The following MAML3 variants were observed in gnomAD, a reference collection of about 807,000 sequenced individuals.
MAML3 encodes mastermind like transcriptional coactivator 3, also known as mastermind-like protein 3.
MAML3 carries 27 observed loss-of-function variants against 101.9 expected under a neutral mutation model. The observed-to-expected ratio is 0.27, with a 90% confidence interval of 0.20 to 0.37. The LOEUF (loss-of-function observed/expected upper bound fraction) is 0.37. Among genes scored for constraint, MAML3 ranks in the 10% least tolerant of loss-of-function variants. MAML3 has a pLI of 1.00. For missense variants in MAML3, 1,316 were observed against 1,444.9 expected, an observed-to-expected ratio of 0.91 and a Z score of 1.45; for synonymous variants, 501 against 555.9, an observed-to-expected ratio of 0.90 and a Z score of 1.39.
intron 1 of MAML3, among the ~76,000 whole-genome samples, chr4:140,049,156 GA>G (rs911279243): frequency 9.3e-5 from 14 of 150,414 alleles, no homozygotes; most frequent in South Asian, 2.1e-4. Context: ...TCTTCACAAA[GA>G]AAAAAAAATG....
chr4:140,061,812 A>G (rs898141036), intron 1 of MAML3, among the ~76,000 whole-genome samples: 2 of 152,206 alleles, frequency 1.3e-5, no homozygotes, highest in African/African-American at 2.4e-5. Flanking sequence ...GAGAATGACA[A>G]TATGGTGCCT....
intron 2 of MAML3, among the ~76,000 whole-genome samples, chr4:139,741,982 G>A (rs1729180494): frequency 6.6e-6 from 1 of 152,026 alleles, no homozygotes; most frequent in Non-Finnish European, 1.5e-5. Flanking sequence ...TGAAAGACTT[G>A]GAGACACACG....
intron 2 of MAML3, among the ~76,000 whole-genome samples, chr4:139,885,932 C>CAAAAAAAAAAAAAAAAAAAA (rs1182443191): frequency 5.4e-4 from 11 of 20,304 alleles, no homozygotes; most frequent in East Asian, 0.011. Flanking sequence ...GACTCCGTCT[C>CAAAAAAAAAAAAAAAAAAAA]AAAAAAAAAA....
intron 2 of MAML3, among the ~76,000 whole-genome samples, chr4:139,844,424 C>G (rs10027514): frequency 0.39 from 58,635 of 151,942 alleles, 11,865 homozygotes; most frequent in East Asian, 0.69. Context: ...TGGCATTGTG[C>G]TGTCTTTTTC....
rs1263984454 is a variant in MAML3, at chr4:139,717,418, C to T, written c.*1905G>A. The T allele has an allele frequency of 6.6e-6, 1 of 152,210 alleles. No homozygotes were observed. Among genetic ancestry groups the T allele is most frequent in the Non-Finnish European group, 1.5e-5 (1 of 68,030 alleles). The allele number at this position is 152,210 out of a possible 1,614,324, so 9.4% of individuals were successfully genotyped here. On this transcript the variant is annotated 3_prime_UTR_variant, in exon 5 of 5. Transcript: ENST00000509479. ...TCATCTCTTTGATCCACTCAGTTTCCCCAGTGGCATCACTCCCCATTTGGG... is the reference window on the plus strand; with the variant it reads ...TCATCTCTTTGATCCACTCAGTTTCTCCAGTGGCATCACTCCCCATTTGGG...
chr4:139,910,395 C>G (rs1316170051), intron 1 of MAML3, among the ~76,000 whole-genome samples: 1 of 152,218 alleles, frequency 6.6e-6, no homozygotes, highest in Non-Finnish European at 1.5e-5. Flanking sequence ...ATACTTCAGT[C>G]ACTAGCTGCA....
chr4:140,049,510 G>A (rs996242480), intron 1 of MAML3, among the ~76,000 whole-genome samples: 8 of 152,188 alleles, frequency 5.3e-5, no homozygotes, highest in Non-Finnish European at 7.3e-5. Flanking sequence ...ACAGAGGAGG[G>A]GGGAAGAGAG....
intron 2 of MAML3, among the ~76,000 whole-genome samples, chr4:139,742,151 T>C (rs1424806443): frequency 1.2e-3 from 1 of 866 alleles, no homozygotes; most frequent in African/African-American, 2.1e-3. Flanking sequence ...TTTCTTTTCT[T>C]TTTTTTTTTT....
rs1354048315 is a variant in MAML3, at chr4:139,735,561, G to A, written c.2080-4894C>T. 6.6e-6 allele frequency among the ~76,000 whole-genome samples: 1 copy of A among 152,140 alleles called. No homozygotes were observed. The highest frequency in any genetic ancestry group is 1.5e-5 in the Non-Finnish European group (1 of 68,016). ...CCCAGCTGCACAAAGCCGGCCCGGG[G>A]AGGGGGCGATAAGGAGCGAGCCTCG... On this transcript the variant is annotated intron_variant, in intron 2 of 4. Transcript: ENST00000509479. The surrounding 1 kb of genome is among the most constrained non-coding windows in gnomAD (Gnocchi z 5.8).
At chr4:139,822,270 C>CCACCACCAT (rs1560804617) in intron 2 of MAML3, among the ~76,000 whole-genome samples, 1 of 119,258 alleles carries the variant, frequency 8.4e-6, no homozygotes, top group African/African-American at 2.9e-5. Flanking sequence ...ACCACCACCA[C>CCACCACCAT]CATCATCATC....
rs572014849 is a variant in MAML3 at position 140,095,299 on chromosome 4, T to C, written c.468+57561A>G. 2.0e-4 allele frequency among the ~76,000 whole-genome samples: 30 copies of C among 152,322 alleles called. No homozygotes were observed. The East Asian group carries it at 5.2e-3, about 26-fold the overall frequency. Reference sequence around the variant, plus strand: ...ATCAGTAGGCCCACCACTGTCCATGTTGGAGATCACACTGAGCCTCGTCTG... The same window carrying C: ...ATCAGTAGGCCCACCACTGTCCATGCTGGAGATCACACTGAGCCTCGTCTG... On this transcript the variant is annotated intron_variant, in intron 1 of 4. Coordinates refer to ENST00000509479, the MANE Select transcript of MAML3 (RefSeq NM_018717.5).
chr4:140,145,925 G>A (rs1406983663), intron 1 of MAML3, among the ~76,000 whole-genome samples: 2 of 128,070 alleles, frequency 1.6e-5, no homozygotes, highest in Non-Finnish European at 3.2e-5. Flanking sequence ...CCAGGCTGGA[G>A]TGCAATGGCA....
At chr4:140,031,410 T>C (rs1383980575) in intron 1 of MAML3, among the ~76,000 whole-genome samples, 4 of 152,312 alleles carry the variant, frequency 2.6e-5, no homozygotes, top group African/African-American at 9.6e-5. Flanking sequence ...TATAGACTGC[T>C]GCAGAGAACA....
At position 139,889,362 on chromosome 4, in the gene MAML3, C is replaced by T. The variant is rs761610544; in HGVS notation, c.2074G>A (p.Gly692Ser). The change falls in exon 2 of 5, where the codon GGT becomes AGT. Residue 692 changes from glycine (G) to serine (S), a missense_variant. Coordinates refer to ENST00000509479, the MANE Select transcript of MAML3 (RefSeq NM_018717.5). ...TGTGTCACTTTCACACTTACCTGAC[C>T]GTGGGATGGAAGTGCAGCGTAAGCC... ...PMAYAALPSHGQEQHPVGLPR... is the reference protein window; with the variant it reads ...PMAYAALPSHSQEQHPVGLPR... The T allele has an allele frequency of 9.2e-5, 148 of 1,613,880 alleles. 1 individual carries two copies. Among genetic ancestry groups the T allele is most frequent in the Admixed American group, 3.8e-4 (23 of 60,002 alleles).
chr4:139,994,365 T>C (rs1477999045), intron 1 of MAML3, among the ~76,000 whole-genome samples: 1 of 152,248 alleles, frequency 6.6e-6, no homozygotes, highest in Non-Finnish European at 1.5e-5. Flanking sequence ...GATTGTTTGT[T>C]CTTTATAATA....
At chr4:140,039,786 A>G (rs1321371029) in intron 1 of MAML3, among the ~76,000 whole-genome samples, 1 of 152,230 alleles carries the variant, frequency 6.6e-6, no homozygotes, top group Non-Finnish European at 1.5e-5. Context: ...GTGCTAGTGC[A>G]CTGCTGTACA....
chr4:140,067,791 C>T (rs1226662636), intron 1 of MAML3, among the ~76,000 whole-genome samples: 2 of 143,784 alleles, frequency 1.4e-5, no homozygotes, highest in Admixed American at 1.5e-4. Context: ...TGGAGTGCAA[C>T]AGCACGATCT....
chr4:139,994,340 T>C (rs1734760473), intron 1 of MAML3, among the ~76,000 whole-genome samples: 1 of 152,260 alleles, frequency 6.6e-6, no homozygotes, highest in Non-Finnish European at 1.5e-5. Flanking sequence ...AATTGGGTTC[T>C]TAATTTAACT....
In MAML3 at chr4:139,825,730, TA is replaced by T. The variant is rs536766590; in HGVS notation, c.2079+63626del. On this transcript the variant is annotated intron_variant, in intron 2 of 4. Transcript: ENST00000509479. ...AACATCTCTCATCACGTCACTGACCTAAATATAGACAATGACTTCAAGGAAG... is the reference window on the plus strand; with the variant it reads ...AACATCTCTCATCACGTCACTGACCTAATATAGACAATGACTTCAAGGAAG... Among the ~76,000 whole-genome samples, 7 of 149,988 alleles carry T rather than the reference TA, an allele frequency of 4.7e-5. No homozygotes were observed. The East Asian group carries it at 1.4e-3, about 29-fold the overall frequency.
Sources: allele counts gnomAD v4.1 joint callset (sites outside exome capture counted in the v4.1 genomes callset), GRCh38; gene constraint gnomAD v4.1.1; non-coding constraint Gnocchi (gnomAD v3.1); transcripts MANE v1.5; gene names NCBI Gene and HGNC (gene_info 2026-07-23, HGNC 2026-07-21).